The following TERB2 variants were observed in gnomAD, a reference collection of about 807,000 sequenced individuals.
TERB2 encodes telomere repeat binding bouquet formation protein 2.
In TERB2, 26 loss-of-function variants were observed where a neutral mutation model predicts 29.8. The ratio of observed to expected loss-of-function variants is 0.87; its 90% CI spans 0.64 to 1.21. The LOEUF (loss-of-function observed/expected upper bound fraction) is 1.21. Ranked by LOEUF, TERB2 falls within the 50% of genes most tolerant of loss-of-function variation. The probability of loss-of-function intolerance (pLI) is 0.00; values close to 1 mark genes in which losing one functional copy is unlikely to be tolerated. For missense variants in TERB2, 240 were observed against 268.6 expected (o/e 0.89, Z 0.74); for synonymous variants, 80 against 90.8 (o/e 0.88, Z 0.68).
intron 5 of TERB2, among the ~76,000 whole-genome samples, chr15:44,968,636 CA>C (rs1168566361): frequency 1.4e-5 from 2 of 140,400 alleles, no homozygotes; most frequent in Non-Finnish European, 3.0e-5. Context: ...CTCTGACCCC[CA>C]GGGGTGGAGT....
Position 44,976,067 on chromosome 15 carries a change from T to C in TERB2, c.523+2112T>C, listed in dbSNP as rs1293573685. 4 of 152,170 alleles carry C rather than the reference T, an allele frequency of 2.6e-5. No homozygotes were observed. The East Asian group carries it at 7.7e-4, about 29-fold the overall frequency. 9.4% of individuals were successfully genotyped at this position (152,170 alleles called of 1,614,324 possible). A position where few individuals can be genotyped will look rare whatever the true frequency, so the allele number is the denominator to read the frequency against. On this transcript the variant is annotated intron_variant, in intron 6 of 6. Coordinates refer to ENST00000340827, the MANE Select transcript of TERB2 (RefSeq NM_152448.3). ...GCTTAAAACAATGAACATTTATTTA[T>C]TTATTTATTATAGAGATGAGGTCTC...
At chr15:44,960,166 G>C (rs1449917623) in intron 3 of TERB2, among the ~76,000 whole-genome samples, 2 of 147,110 alleles carry the variant, frequency 1.4e-5, no homozygotes, top group African/African-American at 5.0e-5. Context: ...TTCTGTCTTT[G>C]AGTTTAGCAT....
intron 2 of TERB2, among the ~76,000 whole-genome samples, 189 bp from the exon 3 acceptor site, chr15:44,958,184 C>T (rs1296429389): frequency 6.6e-6 from 1 of 152,160 alleles, no homozygotes; most frequent in Non-Finnish European, 1.5e-5. Flanking sequence ...CTGAGATGTG[C>T]CAGATATAGG....
At chr15:44,965,478 A>G (rs983706962) in intron 4 of TERB2, among the ~76,000 whole-genome samples, 5 of 143,120 alleles carry the variant, frequency 3.5e-5, no homozygotes, top group Admixed American at 2.2e-4. Flanking sequence ...ATTTATAAAG[A>G]TATATATTTA....
chr15:44,961,215 TACAC>T lies in TERB2; in HGVS notation c.287-294_287-291del, dbSNP rs1248325306. Among the ~76,000 whole-genome samples, 16 of 132,800 alleles carry T rather than the reference TACAC, an allele frequency of 1.2e-4. No individual in the cohort carries two copies. In the East Asian group the frequency reaches 3.1e-3, roughly 26 times the overall value. 87.1% of individuals were successfully genotyped at this position (132,800 alleles called of 152,430 possible). A position where few individuals can be genotyped will look rare whatever the true frequency, so the allele number is the denominator to read the frequency against. On this transcript the variant is annotated intron_variant, in intron 3 of 6. Coordinates refer to ENST00000340827, the MANE Select transcript of TERB2 (RefSeq NM_152448.3). ...TGATATATATATATATATATATATA[TACAC>T]ACACACACACACATCTAATGTAGAG...
In TERB2 at chr15:44,961,602, T is replaced by C. The variant is rs555764233; in HGVS notation, c.348+18T>C. The C allele has an allele frequency of 3.9e-6, 6 of 1,534,326 alleles. No individual in the cohort carries two copies. In the African/African-American group the frequency reaches 4.2e-5, roughly 11 times the overall value. ...TAGAAAAGGTAAGAGTAAATTAAGG[T>C]ACTTGATTAGCATCTACAGCTTCAA... On this transcript the variant is annotated intron_variant, in intron 4 of 6. Coordinates refer to ENST00000340827, the MANE Select transcript of TERB2 (RefSeq NM_152448.3).
At position 44,978,640 on chromosome 15, in the gene TERB2, G is replaced by T; in HGVS notation, c.*12G>T. On this transcript the variant is annotated 3_prime_UTR_variant, in exon 7 of 7. Coordinates refer to ENST00000340827, the MANE Select transcript of TERB2 (RefSeq NM_152448.3). ...TGAAGAGGAAATAGTAAATTAAATT[G>T]TAAATACCTTGGCATTTATTTTCTA... 6.4e-7 allele frequency: 1 copy of T among 1,570,830 alleles called. No individual in the cohort carries two copies. Among genetic ancestry groups the T allele is most frequent in the Non-Finnish European group, 8.6e-7 (1 of 1,159,814 alleles).
intron 3 of TERB2, among the ~76,000 whole-genome samples, chr15:44,959,553 A>G (rs1891770467): frequency 6.6e-6 from 1 of 152,096 alleles, no homozygotes; most frequent in Admixed American, 6.5e-5. Flanking sequence ...TTTTTAATAG[A>G]CATGGGGTTT....
chr15:44,965,637 GAT>G (rs1398869232), intron 4 of TERB2, among the ~76,000 whole-genome samples: 1 of 136,224 alleles, frequency 7.3e-6, no homozygotes, highest in Non-Finnish European at 1.6e-5. Context: ...TCTATATAAA[GAT>G]ATATATTTTA....
In TERB2 at chr15:44,973,920, C is replaced by G. The variant is rs1001596889; in HGVS notation, c.488C>G (p.Pro163Arg). 1 of 1,600,728 alleles carries G rather than the reference C, an allele frequency of 6.2e-7. No homozygotes were observed. The highest frequency in any genetic ancestry group is 8.5e-7 in the Non-Finnish European group (1 of 1,172,652). The change falls in exon 6 of 7, where the codon CCT becomes CGT. Residue 163 changes from proline (P) to arginine (R), a missense_variant. By Grantham distance (103) the Pro-to-Arg change is moderately radical (BLOSUM62 -2). Coordinates refer to ENST00000340827, the MANE Select transcript of TERB2 (RefSeq NM_152448.3). ...TPVVEKQMYF[P>R]LQNYPVNNMV... ...GTTGTAGAAAAGCAGATGTACTTCC[C>G]TCTACAGAATTACCCAGTTAACAAC...
chr15:44,964,799 A>G (rs2141241181), intron 4 of TERB2, among the ~76,000 whole-genome samples: 1 of 152,250 alleles, frequency 6.6e-6, no homozygotes, highest in South Asian at 2.1e-4. Flanking sequence ...GAATGGCAAT[A>G]ACTAGGGTAA....
chr15:44,968,800 CATCTTTTTAAAAATAA>C (rs1261464485), intron 5 of TERB2, among the ~76,000 whole-genome samples: 1 of 151,926 alleles, frequency 6.6e-6, no homozygotes, highest in Non-Finnish European at 1.5e-5. Context: ...CTTCCATGAA[CATCTTTTTAAAAATAA>C]ATCTTGCTCT....
intron 3 of TERB2, among the ~76,000 whole-genome samples, chr15:44,960,435 T>C (rs1269631424): frequency 5.9e-5 from 9 of 152,108 alleles, no homozygotes; most frequent in Non-Finnish European, 1.5e-5. Flanking sequence ...ACCCAGGAAT[T>C]TGAGGCTGCA....
chr15:44,967,711 T>A (rs1891910638), intron 5 of TERB2, among the ~76,000 whole-genome samples: 1 of 144,644 alleles, frequency 6.9e-6, no homozygotes, highest in Admixed American at 7.0e-5. Flanking sequence ...CCTCTGTGAT[T>A]TTTGGTCAGG....
At chr15:44,965,461 T>C (rs1025248456) in intron 4 of TERB2, among the ~76,000 whole-genome samples, 78 of 144,306 alleles carry the variant, frequency 5.4e-4, no homozygotes, top group African/African-American at 1.9e-3. Flanking sequence ...TTTATAAAGA[T>C]ATATATATTT....
chr15:44,956,860 G>C (rs1445317293), intron 1 of TERB2, 36 bp from the exon 2 acceptor site: 4 of 1,612,278 alleles, frequency 2.5e-6, no homozygotes, highest in Non-Finnish European at 3.4e-6. Flanking sequence ...GGTCCAGGGT[G>C]CTTGATAGGT....
intron 2 of TERB2, among the ~76,000 whole-genome samples, chr15:44,957,343 C>T: frequency 6.6e-6 from 1 of 151,812 alleles, no homozygotes; most frequent in East Asian, 1.9e-4. Context: ...AAATAGACAA[C>T]CTCCTTTCCT....
intron 4 of TERB2, among the ~76,000 whole-genome samples, chr15:44,964,471 CT>C (rs1217142898): frequency 1.3e-5 from 2 of 152,130 alleles, no homozygotes; most frequent in African/African-American, 4.8e-5. Context: ...TAATTATTGA[CT>C]CTAGCAGAAC....
At chr15:44,956,852 T>C (rs1891722859) in intron 1 of TERB2, 44 bp from the exon 2 acceptor site, 1 of 1,611,020 alleles carries the variant, frequency 6.2e-7, no homozygotes, top group Non-Finnish European at 8.5e-7. Context: ...ATGCTTTGGG[T>C]CCAGGGTGCT....
Sources: allele counts gnomAD v4.1 joint callset (sites outside exome capture counted in the v4.1 genomes callset), GRCh38; gene constraint gnomAD v4.1.1; transcripts MANE v1.5; gene names NCBI Gene and HGNC (gene_info 2026-07-23, HGNC 2026-07-21).